Variants in CCDC18 observed in about 807,000 individuals in gnomAD.
The protein encoded by CCDC18 is coiled-coil domain-containing protein 18.
In CCDC18, 157 loss-of-function variants were observed where a neutral mutation model predicts 196.0. That is an observed-to-expected ratio of 0.80 (90% CI 0.70 to 0.91). The LOEUF (loss-of-function observed/expected upper bound fraction) is 0.91, where lower values mean the gene tolerates loss of function less well. CCDC18 is among the 40% of genes least tolerant of loss of function. CCDC18 has a pLI of 0.00. For synonymous variants in CCDC18, 482 were observed against 529.2 expected, an observed-to-expected ratio of 0.91 and a Z score of 1.22; for missense variants, 1,465 against 1,611.6, an observed-to-expected ratio of 0.91 and a Z score of 1.56.
At chr1:93,260,139 T>C (rs1475935457) in intron 26 of CCDC18, among the ~76,000 whole-genome samples, 3 of 152,192 alleles carry the variant, frequency 2.0e-5, no homozygotes, top group Non-Finnish European at 4.4e-5. Context: ...ATCCCAGTGC[T>C]TTGGGAGGCC....
intron 16 of CCDC18, among the ~76,000 whole-genome samples, chr1:93,223,532 C>T (rs1169842171): frequency 1.3e-5 from 2 of 152,126 alleles, no homozygotes; most frequent in South Asian, 2.1e-4. Context: ...ATTTTTTTAT[C>T]TATAGGAAAG....
rs1557591489 is a variant in CCDC18, at chr1:93,183,356, T to A, written c.-2-4T>A. On this transcript the variant is annotated splice_polypyrimidine_tract_variant and splice_region_variant and intron_variant, in intron 1 of 28. Transcript: ENST00000690025. ...AGGTACAAGAAATTCATTTTTTTTT[T>A]AAGAAATGGAATCTAGTTCATCAGA... is the stretch of plus-strand genomic sequence containing the variant. The A allele has an allele frequency of 6.5e-7, 1 of 1,533,482 alleles. No homozygotes were observed. The highest frequency in any genetic ancestry group is 8.8e-7 in the Non-Finnish European group (1 of 1,137,378). The allele number at this position is 1,533,482 out of a possible 1,614,324, so 95.0% of individuals were successfully genotyped here.
chr1:93,264,511 G>A, intron 26 of CCDC18, 190 bp from the exon 27 acceptor site: 1 of 442,214 alleles, frequency 2.3e-6, no homozygotes, highest in Non-Finnish European at 4.0e-6. Context: ...TAAGTAAATT[G>A]AAGATTATGG....
chr1:93,239,235 G>A (rs1031934533), intron 19 of CCDC18, 75 bp from the exon 20 acceptor site: 3 of 1,111,756 alleles, frequency 2.7e-6, no homozygotes, highest in Non-Finnish European at 2.4e-6. Flanking sequence ...TAACTTGCAG[G>A]CTTTTTTTTT....
In CCDC18 at chr1:93,205,590, T is replaced by A. The variant is rs563391595; in HGVS notation, c.876T>A (p.Gly292=). The A allele has an allele frequency of 3.9e-5, 63 of 1,598,868 alleles. 1 individual carries two copies. The South Asian group carries it at 6.9e-4, about 18-fold the overall frequency. Residue 292 remains glycine, a synonymous_variant, in exon 8 of 29, where the codon GGT becomes GGA. Transcript: ENST00000690025. ...ATAAAAGGCTACAAGAAAGGTGTGG[T>A]CTATATAAAAGTGAACTTGAAATTC... ...KENKRLQERC[G]LYKSELEILK...
intron 23 of CCDC18, among the ~76,000 whole-genome samples, chr1:93,251,597 C>G (rs549591089): frequency 6.6e-5 from 10 of 152,160 alleles, no homozygotes; most frequent in Admixed American, 6.5e-4. Context: ...AGTATGTCAT[C>G]TTACTCCCTC....
chr1:93,269,760 T>G (rs1453251537), intron 27 of CCDC18: 1 of 152,178 alleles, frequency 6.6e-6, no homozygotes, highest in Non-Finnish European at 1.5e-5. Context: ...GTCTCATTCC[T>G]AGGATCCCAA....
intron 27 of CCDC18, among the ~76,000 whole-genome samples, chr1:93,267,697 A>C (rs2101451854): frequency 6.6e-6 from 1 of 152,334 alleles, no homozygotes; most frequent in South Asian, 2.1e-4. Flanking sequence ...AATTGCTTCA[A>C]AGAGAATAAA....
chr1:93,240,619 T>C (rs1242165409), intron 21 of CCDC18, among the ~76,000 whole-genome samples: 1 of 152,228 alleles, frequency 6.6e-6, no homozygotes, highest in Admixed American at 6.5e-5. Flanking sequence ...GAATTCAGTG[T>C]AGGGCCTCCT....
chr1:93,246,117 G>C lies in CCDC18; in HGVS notation c.2994G>C (p.Met998Ile), dbSNP rs1387746586. 6.3e-7 allele frequency: 1 copy of C among 1,599,798 alleles called. No homozygotes were observed. The highest frequency in any genetic ancestry group is 1.7e-5 in the Admixed American group (1 of 58,336). Residue 998 changes from methionine (M) to isoleucine (I), a missense_variant, in exon 22 of 29, where the codon ATG becomes ATC. Met to Ile is a conservative substitution (Grantham distance 10, BLOSUM62 1). Coordinates refer to ENST00000690025, the MANE Select transcript of CCDC18 (RefSeq NM_001378204.1). ...DLTAELRECK[M>I]EIEDKKQELL... is the part of the protein sequence containing the mutation. ...TGATAAATTGTAGAGAATGCAAGAT[G>C]GAGATTGAAGACAAAAAGCAGGAGC...
At chr1:93,183,614 T>A (rs1044232016) in intron 2 of CCDC18, 119 bp downstream of exon 2, 21 of 702,526 alleles carry the variant, frequency 3.0e-5, no homozygotes, top group Non-Finnish European at 3.9e-5. Flanking sequence ...AATAATTTTC[T>A]TATACTTTTT....
chr1:93,249,894 AG>A (rs1452322117), intron 23 of CCDC18, among the ~76,000 whole-genome samples: 2 of 152,198 alleles, frequency 1.3e-5, no homozygotes, highest in East Asian at 3.8e-4. Flanking sequence ...CATTCACAGT[AG>A]CCCGTAGGTT....
At chr1:93,210,051 T>C (rs1655346360) in intron 9 of CCDC18, among the ~76,000 whole-genome samples, 1 of 152,126 alleles carries the variant, frequency 6.6e-6, no homozygotes, top group Admixed American at 6.6e-5. Context: ...AGTGAGACCC[T>C]GTCTCTCAAA....
Position 93,221,952 on chromosome 1 carries a change from CTTTATT to C in CCDC18, c.2175+20_2175+25del. 7.1e-7 allele frequency: 1 copy of C among 1,415,576 alleles called. No homozygotes were observed. The highest frequency in any genetic ancestry group is 9.7e-7 in the Non-Finnish European group (1 of 1,034,122). 87.7% of individuals were successfully genotyped at this position (1,415,576 alleles called of 1,614,324 possible). On this transcript the variant is annotated intron_variant, in intron 16 of 28. Coordinates refer to ENST00000690025, the MANE Select transcript of CCDC18 (RefSeq NM_001378204.1). ...AACAATCAAGGCTAGTATGCTAATA[CTTTATT>C]TTTCTTTCTTTCCTTTTTTTTTTTT... is the stretch of plus-strand genomic sequence containing the variant.
chr1:93,186,418 A>C lies in CCDC18; in HGVS notation c.377A>C (p.Gln126Pro), dbSNP rs779381663. Residue 126 changes from glutamine (Q) to proline (P), a missense_variant, in exon 4 of 29, where the codon CAG becomes CCG. Physicochemically the swap from Gln to Pro is moderately conservative, Grantham distance 76 (BLOSUM62 -1). Coordinates refer to ENST00000690025, the MANE Select transcript of CCDC18 (RefSeq NM_001378204.1). ...GAGAAACTAAATAAACTTAGGCAAC[A>C]GAATGCTTGTTTGGTCACACAGAAT... Reference protein sequence around the residue: ...LREKLNKLRQQNACLVTQNHS... With the variant: ...LREKLNKLRQPNACLVTQNHS... The C allele has an allele frequency of 3.1e-6, 5 of 1,612,348 alleles. No individual in the cohort carries two copies. The South Asian group carries it at 5.5e-5, about 18-fold the overall frequency.
chr1:93,262,631 GC>G (rs1307157446), intron 26 of CCDC18, among the ~76,000 whole-genome samples: 1 of 152,216 alleles, frequency 6.6e-6, no homozygotes, highest in Non-Finnish European at 1.5e-5. Context: ...GCAGGGTACA[GC>G]CCCTGTGGCT....
chr1:93,200,788 C>G (rs182701075), intron 6 of CCDC18, among the ~76,000 whole-genome samples: 13 of 152,226 alleles, frequency 8.5e-5, no homozygotes, highest in Admixed American at 8.5e-4. Flanking sequence ...TTACTTTTTA[C>G]AAATTGGAAG....
At chr1:93,180,592 C>T (rs1477477960), upstream of CCDC18, 1 of 1,382,336 alleles carries the variant, frequency 7.2e-7, no homozygotes, top group Non-Finnish European at 9.6e-7. Flanking sequence ...CCCGGGCGGG[C>T]TCCGCTAGTG....
At chr1:93,271,387 T>C (rs1319661885) in intron 28 of CCDC18, 1 of 985,020 alleles carries the variant, frequency 1.0e-6, no homozygotes, top group Non-Finnish European at 1.2e-6. Context: ...AAAAGAAAGA[T>C]ATATCCCTCT....
Sources: allele counts gnomAD v4.1 joint callset (sites outside exome capture counted in the v4.1 genomes callset), GRCh38; gene constraint gnomAD v4.1.1; transcripts MANE v1.5; gene names NCBI Gene and HGNC (gene_info 2026-07-23, HGNC 2026-07-21).